The following WDR36 variants were observed in gnomAD, a reference collection of about 807,000 sequenced individuals.
WDR36 encodes WD repeat-containing protein 36.
WDR36 carries 63 observed loss-of-function variants against 112.7 expected under a neutral mutation model. The observed-to-expected ratio is 0.56, with a 90% CI of 0.46 to 0.69. WDR36 has a LOEUF of 0.69. Among genes scored for constraint, WDR36 ranks in the 30% least tolerant of loss-of-function variants. The probability of loss-of-function intolerance (pLI) is 0.00; values close to 1 mark genes in which losing one functional copy is unlikely to be tolerated. For synonymous variants in WDR36, 410 were observed against 362.2 expected, an observed-to-expected ratio of 1.13 and a Z score of -1.50; for missense variants, 1,226 against 1,070.3, an observed-to-expected ratio of 1.15 and a Z score of -2.03.
chr5:111,097,962 G>A (rs1385303224), intron 3 of WDR36, among the ~76,000 whole-genome samples: 1 of 152,166 alleles, frequency 6.6e-6, no homozygotes, highest in Non-Finnish European at 1.5e-5. Context: ...TTTTTGTATT[G>A]TTGTTTATAG....
intron 12 of WDR36, 133 bp downstream of exon 12, chr5:111,107,572 A>C: frequency 8.4e-7 from 1 of 1,194,518 alleles, no homozygotes; most frequent in Non-Finnish European, 1.2e-6. Flanking sequence ...GCATAACCCA[A>C]AGCCACAAAA....
At position 111,092,352 on chromosome 5, in the gene WDR36, T is replaced by C. The variant is rs1341415656; in HGVS notation, c.-105T>C. On this transcript the variant is annotated 5_prime_UTR_variant, in exon 1 of 23. Coordinates refer to ENST00000513710, the MANE Select transcript of WDR36 (RefSeq NM_139281.3). ...GCAGCGGGCGCCGGAAGCGGTGTTG[T>C]GTCTGCAGCTCTGGCAGAGGACTGT... The C allele has an allele frequency of 6.2e-7, 1 of 1,614,112 alleles. No individual in the cohort carries two copies. The highest frequency in any genetic ancestry group is 1.1e-5 in the South Asian group (1 of 91,092).
chr5:111,105,470 C>G (rs986761075), intron 10 of WDR36, 110 bp downstream of exon 10: 5 of 1,000,456 alleles, frequency 5.0e-6, no homozygotes, highest in East Asian at 2.6e-5. Context: ...CTTGGATGAA[C>G]TAGATAAACA....
intron 1 of WDR36, among the ~76,000 whole-genome samples, chr5:111,094,042 A>AT (rs1752925843): frequency 6.6e-6 from 1 of 151,970 alleles, no homozygotes. Context: ...GAAAAAAAAA[A>AT]GGAGCTAATG....
chr5:111,128,690 G>C lies in WDR36; in HGVS notation c.*1807G>C, dbSNP rs539621002. On this transcript the variant is annotated 3_prime_UTR_variant, in exon 23 of 23. Transcript: ENST00000513710. ...TGTATTGTTACCAGAGATATATTTA[G>C]ATAGAATACATCATTTTGGCAGGTA... 214 of 182,676 alleles carry C rather than the reference G, an allele frequency of 1.2e-3. 1 individual carries two copies. Among genetic ancestry groups the C allele is most frequent in the African/African-American group, 4.6e-3 (196 of 42,686 alleles). 11.3% of individuals were successfully genotyped at this position (182,676 alleles called of 1,614,324 possible).
At position 111,097,098 on chromosome 5, in the gene WDR36, T is replaced by C. The variant is rs372798548; in HGVS notation, c.210T>C (p.Asp70=). The C allele has an allele frequency of 1.2e-6, 2 of 1,613,166 alleles. No individual in the cohort carries two copies. The highest frequency in any genetic ancestry group is 4.5e-5 in the East Asian group (2 of 44,830). ...TGCTAGGTAATTCTGTTCCACAGGA[T>C]ATCTGCTGTATGGCAGCTGATGGCA... ...LVAVSNSVPQ[D]ICCMAADGRL... Residue 70 remains aspartate, a synonymous_variant, in exon 3 of 23, where the codon GAT becomes GAC. Transcript: ENST00000513710.
chr5:111,122,655 T>C (rs1331659219), intron 19 of WDR36, among the ~76,000 whole-genome samples: 1 of 152,190 alleles, frequency 6.6e-6, no homozygotes, highest in African/African-American at 2.4e-5. Flanking sequence ...CAGTTTGCGG[T>C]GCTTTGTCCT....
chr5:111,125,772 G>A lies in WDR36; in HGVS notation c.2515G>A (p.Ala839Thr). 6.2e-7 allele frequency: 1 copy of A among 1,613,758 alleles called. No individual in the cohort carries two copies. The highest frequency in any genetic ancestry group is 8.5e-7 in the Non-Finnish European group (1 of 1,179,766). The change falls in exon 22 of 23, where the codon GCA (alanine) becomes ACA (threonine). Residue 839 changes from alanine to threonine, a missense_variant. Transcript: ENST00000513710. ...AAAGCGTGATTTTGAGTTAGCCCAG[G>A]CATACCTTGCATTGTTTCTAAAGGT... ...DRKRDFELAQ[A>T]YLALFLKLHL...
Position 111,127,865 on chromosome 5 carries a change from T to C in WDR36, c.*982T>C. 4.8e-6 allele frequency: 1 copy of C among 209,650 alleles called. No homozygotes were observed. The highest frequency in any genetic ancestry group is 9.7e-6 in the Non-Finnish European group (1 of 103,202). 13.0% of individuals were successfully genotyped at this position (209,650 alleles called of 1,614,324 possible). ...AATTTTTAGCAATATTGTTTATTGC[T>C]ACCACAGCCAAGAATGGGTATTTCA... On this transcript the variant is annotated 3_prime_UTR_variant, in exon 23 of 23. Coordinates refer to ENST00000513710, the MANE Select transcript of WDR36 (RefSeq NM_139281.3).
chr5:111,100,519 A>G (rs935630328), intron 4 of WDR36, 70 bp from the exon 5 acceptor site: 3 of 1,095,782 alleles, frequency 2.7e-6, no homozygotes, highest in Non-Finnish European at 2.6e-6. Context: ...ACTTTAAGTG[A>G]TAAATATATG....
chr5:111,112,114 A>G (rs1178520745), intron 15 of WDR36, among the ~76,000 whole-genome samples: 2 of 151,956 alleles, frequency 1.3e-5, no homozygotes, highest in Admixed American at 6.6e-5. Flanking sequence ...TTTTGACAGC[A>G]TCTGTAGAAA....
At chr5:111,120,210 A>G (rs546407565) in intron 17 of WDR36, among the ~76,000 whole-genome samples, 2 of 152,270 alleles carry the variant, frequency 1.3e-5, no homozygotes, top group East Asian at 3.9e-4. Flanking sequence ...ATATGTCAAA[A>G]CAATATATGA....
intron 4 of WDR36, among the ~76,000 whole-genome samples, chr5:111,099,851 C>G (rs1213770913): frequency 1.3e-5 from 2 of 151,906 alleles, no homozygotes; most frequent in Non-Finnish European, 2.9e-5. Context: ...AGTATGTGAA[C>G]CTAAAGATTA....
chr5:111,104,371 A>C lies in WDR36; in HGVS notation c.906+19A>C. 1 of 1,611,462 alleles carries C rather than the reference A, an allele frequency of 6.2e-7. No individual in the cohort carries two copies. The highest frequency in any genetic ancestry group is 8.5e-7 in the Non-Finnish European group (1 of 1,178,100). ...TCTTAGGGTATTATGATTATTGTTA[A>C]CATCTTCCTGGCTCATCTAACTTAC... is the stretch of plus-strand genomic sequence containing the variant. On this transcript the variant is annotated intron_variant, in intron 8 of 22. Coordinates refer to ENST00000513710, the MANE Select transcript of WDR36 (RefSeq NM_139281.3).
chr5:111,113,035 A>AATATATAT (rs376288151), intron 15 of WDR36, 39 bp from the exon 16 acceptor site: 166 of 352,606 alleles, frequency 4.7e-4, no homozygotes, highest in South Asian at 6.2e-4. Context: ...ATATATAAAT[A>AATATATAT]ATATATATAT....
In WDR36 at chr5:111,098,654, A is replaced by G. The variant is rs1215719204; in HGVS notation, c.292-68A>G. The G allele has an allele frequency of 5.8e-6, 6 of 1,038,080 alleles. No homozygotes were observed. The East Asian group carries it at 1.2e-4, about 21-fold the overall frequency. The allele number at this position is 1,038,080 out of a possible 1,614,324, so 64.3% of individuals were successfully genotyped here. A position where few individuals can be genotyped will look rare whatever the true frequency, so the allele number is the denominator to read the frequency against. On this transcript the variant is annotated intron_variant, in intron 3 of 22. Transcript: ENST00000513710. ...ATCTCAGGATTAGCATGTTTTTGGG[A>G]TAATATGAATAATATGACATGATGA...
chr5:111,120,242 T>G (rs1424352787), intron 17 of WDR36, among the ~76,000 whole-genome samples: 2 of 152,152 alleles, frequency 1.3e-5, no homozygotes. Flanking sequence ...CCTTATAAAA[T>G]TATTATCTAC....
intron 1 of WDR36, among the ~76,000 whole-genome samples, chr5:111,094,027 A>G (rs1384372230): frequency 7.3e-6 from 1 of 137,378 alleles, no homozygotes; most frequent in Non-Finnish European, 1.7e-5. Context: ...ACTTGGGAGT[A>G]AAAAGAAAAA....
At position 111,110,211 on chromosome 5, in the gene WDR36, G is replaced by A; in HGVS notation, c.1349G>A (p.Gly450Glu). The A allele has an allele frequency of 6.2e-7, 1 of 1,610,622 alleles. No individual in the cohort carries two copies. The highest frequency in any genetic ancestry group is 8.5e-7 in the Non-Finnish European group (1 of 1,177,434). ...TATAVDITSC[G>E]NFAVIGLSSG... is the part of the protein sequence containing the mutation. ...AAGGCAGTGGATATAACTTCTTGTG[G>A]AAACTTTGCTGTAATTGGCCTCTCA... The change falls in exon 13 of 23, where the codon GGA becomes GAA. Residue 450 changes from glycine to glutamate, a missense_variant. Coordinates refer to ENST00000513710, the MANE Select transcript of WDR36 (RefSeq NM_139281.3).
Sources: allele counts gnomAD v4.1 joint callset (sites outside exome capture counted in the v4.1 genomes callset), GRCh38; gene constraint gnomAD v4.1.1; transcripts MANE v1.5; gene names NCBI Gene and HGNC (gene_info 2026-07-23, HGNC 2026-07-21).